Variants in MAP3K7 observed in about 807,000 individuals in gnomAD.
The protein encoded by MAP3K7 is TGF-beta activated kinase 1.
In MAP3K7, 21 loss-of-function variants were observed where a neutral mutation model predicts 84.8. The observed-to-expected ratio is 0.25, with a 90% CI of 0.18 to 0.36. MAP3K7 has a LOEUF of 0.36. Among genes scored for constraint, MAP3K7 ranks in the 10% least tolerant of loss-of-function variants. The pLI is 1.00. For missense variants in MAP3K7, 503 were observed against 747.7 expected, an observed-to-expected ratio of 0.67 and a Z score of 3.82; for synonymous variants, 241 against 247.7, an observed-to-expected ratio of 0.97 and a Z score of 0.25.
chr6:90,575,844 T>C (rs1470059182), intron 1 of MAP3K7, among the ~76,000 whole-genome samples: 1 of 152,132 alleles, frequency 6.6e-6, no homozygotes, highest in Non-Finnish European at 1.5e-5. Context: ...GTTTACTCCT[T>C]AAACCAATAT....
At chr6:90,559,000 C>T (rs1228845899) in intron 5 of MAP3K7, among the ~76,000 whole-genome samples, 1 of 152,144 alleles carries the variant, frequency 6.6e-6, no homozygotes, top group African/African-American at 2.4e-5. Context: ...AATAATTCAA[C>T]TCTGTTAATA....
chr6:90,532,434 T>C (rs79655589), intron 13 of MAP3K7, among the ~76,000 whole-genome samples: 10,248 of 152,272 alleles, frequency 0.067, 345 homozygotes, highest in South Asian at 0.092. Flanking sequence ...GTGGGTGTTA[T>C]GGTCCCTATT....
intron 1 of MAP3K7, among the ~76,000 whole-genome samples, chr6:90,576,423 A>T (rs879446945): frequency 0.31 from 11,292 of 36,720 alleles, 581 homozygotes; most frequent in Middle Eastern, 0.43. Context: ...ACTCTGTCAC[A>T]CACACACACA....
At chr6:90,571,045 C>T (rs1345297002) in intron 2 of MAP3K7, among the ~76,000 whole-genome samples, 1 of 151,920 alleles carries the variant, frequency 6.6e-6, no homozygotes, top group Non-Finnish European at 1.5e-5. Flanking sequence ...AATGAAAAAA[C>T]AGAGATATAA....
At chr6:90,529,928 T>C (rs551913294) in intron 13 of MAP3K7, among the ~76,000 whole-genome samples, 1 of 152,190 alleles carries the variant, frequency 6.6e-6, no homozygotes, top group South Asian at 2.1e-4. Context: ...AGCACTCAGA[T>C]ACAAGATTGG....
At chr6:90,527,281 G>C (rs76715110) in intron 13 of MAP3K7, among the ~76,000 whole-genome samples, 320 of 148,458 alleles carry the variant, frequency 2.2e-3, no homozygotes, top group Non-Finnish European at 3.6e-3. Flanking sequence ...TTTTTTTTTT[G>C]AGACAGGGTC....
At chr6:90,523,420 C>T (rs1330021593) in intron 14 of MAP3K7, among the ~76,000 whole-genome samples, 3 of 151,484 alleles carry the variant, frequency 2.0e-5, no homozygotes, top group East Asian at 3.9e-4. Context: ...CGCTTCGCAA[C>T]TGGAAAAAAA....
At chr6:90,537,181 T>A (rs1775708230) in intron 12 of MAP3K7, 1 of 152,058 alleles carries the variant, frequency 6.6e-6, no homozygotes, top group Non-Finnish European at 1.5e-5. Flanking sequence ...AAGCTGTTTA[T>A]GCAGTATCTT....
intron 5 of MAP3K7, among the ~76,000 whole-genome samples, chr6:90,558,470 A>G (rs1208684167): frequency 1.3e-5 from 2 of 152,238 alleles, no homozygotes; most frequent in African/African-American, 4.8e-5. Flanking sequence ...TTCTGATTCT[A>G]AAGTCCAACT....
chr6:90,529,979 G>A (rs1423483812), intron 13 of MAP3K7, among the ~76,000 whole-genome samples: 4 of 152,094 alleles, frequency 2.6e-5, no homozygotes, highest in Admixed American at 1.3e-4. Context: ...GAATAACAAC[G>A]ACATACACCA....
At chr6:90,560,337 G>T in intron 4 of MAP3K7, 123 bp from the exon 5 acceptor site, 1 of 936,946 alleles carries the variant, frequency 1.1e-6, no homozygotes, top group Non-Finnish European at 1.6e-6. Context: ...TGCTCCATCA[G>T]TCCTGCTTTT....
chr6:90,526,013 T>C (rs1283962518), intron 13 of MAP3K7, among the ~76,000 whole-genome samples: 1 of 152,120 alleles, frequency 6.6e-6, no homozygotes, highest in African/African-American at 2.4e-5. Context: ...TGCACTTGGC[T>C]AATTTTTAAA....
At chr6:90,547,213 G>A (rs748397980) in intron 11 of MAP3K7, 45 bp downstream of exon 11, 35 of 1,605,610 alleles carry the variant, frequency 2.2e-5, no homozygotes, top group Non-Finnish European at 2.7e-5. Flanking sequence ...TGGCCAAAAA[G>A]GCTTATATAC....
Position 90,570,149 on chromosome 6 carries a change from G to C in MAP3K7, c.232-1526C>G, listed in dbSNP as rs374359694. 2.0e-5 allele frequency among the ~76,000 whole-genome samples: 3 copies of C among 152,228 alleles called. No homozygotes were observed. The East Asian group carries it at 5.8e-4, about 29-fold the overall frequency. The stretch of plus-strand genomic sequence containing the variant: ...CTCCTCTCTCCCTAATTCCCACTAA[G>C]ATGGTAAAGATTTGAAAAATTTTAA... On this transcript the variant is annotated intron_variant, in intron 2 of 16. Transcript: ENST00000369329.
At chr6:90,575,732 A>G (rs1172320380) in intron 1 of MAP3K7, among the ~76,000 whole-genome samples, 1 of 152,106 alleles carries the variant, frequency 6.6e-6, no homozygotes, top group East Asian at 1.9e-4. Context: ...AATGAAAGCC[A>G]AGGGGAAGGC....
chr6:90,555,497 C>T (rs1295780327), intron 6 of MAP3K7, among the ~76,000 whole-genome samples: 5 of 152,110 alleles, frequency 3.3e-5, no homozygotes, highest in Admixed American at 6.6e-5. Context: ...CCTCATGATC[C>T]GCCCACCTCA....
intron 3 of MAP3K7, among the ~76,000 whole-genome samples, chr6:90,562,826 T>C (rs1047975175): frequency 1.3e-5 from 2 of 152,246 alleles, no homozygotes; most frequent in East Asian, 1.9e-4. Flanking sequence ...CACCTTCCAG[T>C]AGGGGCAGAT....
At chr6:90,562,534 C>T (rs1776559128) in intron 3 of MAP3K7, among the ~76,000 whole-genome samples, 1 of 152,200 alleles carries the variant, frequency 6.6e-6, no homozygotes, top group South Asian at 2.1e-4. Flanking sequence ...AGAGGGGCGT[C>T]TACCATTGCT....
At chr6:90,559,719 G>C (rs1776446884) in intron 5 of MAP3K7, among the ~76,000 whole-genome samples, 1 of 152,280 alleles carries the variant, frequency 6.6e-6, no homozygotes, top group East Asian at 1.9e-4. Context: ...CTAGGTGTTA[G>C]GGACACAGCA....
Sources: allele counts gnomAD v4.1 joint callset (sites outside exome capture counted in the v4.1 genomes callset), GRCh38; gene constraint gnomAD v4.1.1; transcripts MANE v1.5; gene names NCBI Gene and HGNC (gene_info 2026-07-23, HGNC 2026-07-21).